Variants in NUMB observed in about 807,000 individuals in gnomAD.
NUMB encodes protein numb homolog.
In NUMB, 29 loss-of-function variants were observed where a neutral mutation model predicts 59.7. That is an observed-to-expected ratio of 0.49 (90% CI 0.36 to 0.66). The LOEUF is 0.66. Among genes scored for constraint, NUMB ranks in the 30% least tolerant of loss-of-function variants. NUMB has a pLI of 0.00. For missense variants in NUMB, 723 were observed against 822.0 expected (o/e 0.88, Z 1.47); for synonymous variants, 288 against 288.2 (o/e 1.00, Z 0.01).
chr14:73,418,746 G>A (rs889277694), intron 1 of NUMB, among the ~76,000 whole-genome samples: 3 of 151,932 alleles, frequency 2.0e-5, no homozygotes, highest in Non-Finnish European at 2.9e-5. Context: ...ACTCCAGCCT[G>A]GACAACAAGA....
chr14:73,446,809 C>A (rs1006749837), intron 1 of NUMB, among the ~76,000 whole-genome samples: 1 of 151,326 alleles, frequency 6.6e-6, no homozygotes, highest in African/African-American at 2.4e-5. Flanking sequence ...GAGGCTGAGG[C>A]AGAAGGATCA....
At chr14:73,442,972 C>T (rs1247798777) in intron 1 of NUMB, among the ~76,000 whole-genome samples, 1 of 152,144 alleles carries the variant, frequency 6.6e-6, no homozygotes, top group African/African-American at 2.4e-5. Context: ...AAGTGATCCT[C>T]CTGCCTCAGC....
intron 1 of NUMB, among the ~76,000 whole-genome samples, chr14:73,421,998 G>T (rs537732147): frequency 1.9e-4 from 29 of 152,128 alleles, no homozygotes; most frequent in African/African-American, 7.0e-4. Flanking sequence ...AAATTAGCCC[G>T]GTGTAGTGAT....
At chr14:73,341,234 G>A (rs1014359675) in intron 4 of NUMB, among the ~76,000 whole-genome samples, 2 of 152,142 alleles carry the variant, frequency 1.3e-5, no homozygotes, top group Non-Finnish European at 2.9e-5. Flanking sequence ...AGAGTAAGGC[G>A]TTTTAGTATT....
rs1884001435 is a variant in NUMB, at chr14:73,451,836, CTCT to C, written c.-233+6654_-233+6656del. ...CTAAGCAGTATTCTACAGTTTTTCC[CTCT>C]TCTTCCCTAATTAAACTAGAAATGT... On this transcript the variant is annotated intron_variant, in intron 1 of 12. Coordinates refer to ENST00000555238, the MANE Select transcript of NUMB (RefSeq NM_001005743.2). Among the ~76,000 whole-genome samples the C allele has an allele frequency of 4.6e-5, 7 of 152,272 alleles. No individual in the cohort carries two copies. In the South Asian group the frequency reaches 1.4e-3, roughly 32 times the overall value.
chr14:73,382,074 G>A (rs1895268888), intron 2 of NUMB, among the ~76,000 whole-genome samples: 1 of 152,166 alleles, frequency 6.6e-6, no homozygotes, highest in Non-Finnish European at 1.5e-5. Context: ...AAGACAGCCT[G>A]GACATGCTAT....
At chr14:73,338,776 T>C (rs892941320) in intron 4 of NUMB, among the ~76,000 whole-genome samples, 1 of 152,226 alleles carries the variant, frequency 6.6e-6, no homozygotes, top group African/African-American at 2.4e-5. Flanking sequence ...GGCCCATGGA[T>C]GACAGCTATC....
chr14:73,367,612 A>G (rs190631670), intron 2 of NUMB, among the ~76,000 whole-genome samples: 2 of 151,868 alleles, frequency 1.3e-5, no homozygotes, highest in African/African-American at 4.8e-5. Flanking sequence ...CGCCTCTACA[A>G]AAAACTTTAA....
intron 1 of NUMB, among the ~76,000 whole-genome samples, chr14:73,422,071 G>A (rs1477306391): frequency 1.3e-5 from 2 of 152,082 alleles, no homozygotes; most frequent in Non-Finnish European, 2.9e-5. Flanking sequence ...TTGAATCTGG[G>A]AGGTGGAGGT....
chr14:73,310,475 T>G (rs1255451469), intron 6 of NUMB, among the ~76,000 whole-genome samples: 1 of 152,210 alleles, frequency 6.6e-6, no homozygotes, highest in Non-Finnish European at 1.5e-5. Context: ...CATTAGACAC[T>G]TCTCCATTCA....
At chr14:73,277,512 C>T (rs1488313608) in intron 12 of NUMB, among the ~76,000 whole-genome samples, 2 of 152,178 alleles carry the variant, frequency 1.3e-5, no homozygotes, top group Non-Finnish European at 2.9e-5. Context: ...GTCAGCCACA[C>T]TGAAGCACTG....
At chr14:73,448,770 G>C (rs997573406) in intron 1 of NUMB, among the ~76,000 whole-genome samples, 19 of 151,980 alleles carry the variant, frequency 1.3e-4, no homozygotes, top group Non-Finnish European at 1.9e-4. Context: ...TTTTCTAGTA[G>C]TAGGATTAAT....
At chr14:73,326,566 G>A (rs2139934211) in intron 4 of NUMB, among the ~76,000 whole-genome samples, 1 of 151,932 alleles carries the variant, frequency 6.6e-6, no homozygotes, top group African/African-American at 2.4e-5. Context: ...GGCAGAGATT[G>A]CAGTAAGCCG....
intron 2 of NUMB, among the ~76,000 whole-genome samples, chr14:73,394,772 T>C (rs1376033982): frequency 6.6e-6 from 1 of 152,222 alleles, no homozygotes; most frequent in East Asian, 1.9e-4. Context: ...ATAAGTGAAA[T>C]CATGAAGTAT....
At chr14:73,351,745 G>C (rs1028512913) in intron 4 of NUMB, among the ~76,000 whole-genome samples, 10 of 152,052 alleles carry the variant, frequency 6.6e-5, no homozygotes, top group African/African-American at 2.4e-4. Flanking sequence ...GGGAGGCTGA[G>C]ATGGGTGGAT....
intron 6 of NUMB, among the ~76,000 whole-genome samples, chr14:73,313,119 T>C (rs954319886): frequency 2.6e-5 from 4 of 151,880 alleles, no homozygotes; most frequent in Non-Finnish European, 5.9e-5. Context: ...CCTGAGTAGC[T>C]GGGACTACAG....
At chr14:73,385,554 T>A (rs1254668106) in intron 2 of NUMB, among the ~76,000 whole-genome samples, 1 of 132,074 alleles carries the variant, frequency 7.6e-6, no homozygotes, top group Admixed American at 9.6e-5. Flanking sequence ...CAGGCTGGAG[T>A]GCAGTGGCAT....
intron 3 of NUMB, among the ~76,000 whole-genome samples, chr14:73,358,958 A>G (rs1893959258): frequency 1.3e-5 from 2 of 152,172 alleles, no homozygotes; most frequent in Admixed American, 6.6e-5. Flanking sequence ...CCTCCCACTG[A>G]CAAAGGAACC....
At chr14:73,448,032 A>T (rs1465889006) in intron 1 of NUMB, among the ~76,000 whole-genome samples, 1 of 152,136 alleles carries the variant, frequency 6.6e-6, no homozygotes, top group Non-Finnish European at 1.5e-5. Context: ...TCTGAGCTCA[A>T]GTGATTCGCC....
Sources: allele counts gnomAD v4.1 joint callset (sites outside exome capture counted in the v4.1 genomes callset), GRCh38; gene constraint gnomAD v4.1.1; transcripts MANE v1.5; gene names NCBI Gene and HGNC (gene_info 2026-07-23, HGNC 2026-07-21).